The following TNRC6C variants were observed in gnomAD, a reference collection of about 807,000 sequenced individuals.
TNRC6C encodes trinucleotide repeat-containing gene 6C protein.
A neutral mutation model predicts 153.7 loss-of-function variants in TNRC6C; 20 were observed. The observed-to-expected ratio is 0.13, with a 90% CI of 0.09 to 0.19. The LOEUF (loss-of-function observed/expected upper bound fraction) is 0.19. Among genes scored for constraint, TNRC6C ranks in the 10% least tolerant of loss-of-function variants. The pLI is 1.00. For missense variants in TNRC6C, 1,987 were observed against 2,172.0 expected (o/e 0.91, Z 1.69); for synonymous variants, 811 against 841.4 (o/e 0.96, Z 0.63).
intron 1 of TNRC6C, among the ~76,000 whole-genome samples, chr17:77,975,970 GCTA>G (rs1417500520): frequency 6.6e-6 from 1 of 152,124 alleles, no homozygotes; most frequent in Non-Finnish European, 1.5e-5. Context: ...TCAACTCTGG[GCTA>G]GATTTCTAGG....
At chr17:78,013,918 G>A (rs2071681417) in intron 1 of TNRC6C, among the ~76,000 whole-genome samples, 1 of 152,194 alleles carries the variant, frequency 6.6e-6, no homozygotes, top group African/African-American at 2.4e-5. Flanking sequence ...TCAAAGAGGA[G>A]TTGTGCTCTT....
chr17:78,035,238 C>T (rs1378210176), intron 2 of TNRC6C, among the ~76,000 whole-genome samples: 1 of 152,158 alleles, frequency 6.6e-6, no homozygotes, highest in African/African-American at 2.4e-5. Flanking sequence ...TGTAGGTGAG[C>T]ATCAGCAAGC....
At chr17:78,014,916 G>T (rs550950298) in intron 1 of TNRC6C, among the ~76,000 whole-genome samples, 1 of 151,984 alleles carries the variant, frequency 6.6e-6, no homozygotes, top group Non-Finnish European at 1.5e-5. Context: ...GCTGTCTTCT[G>T]CTCGCATCTC....
At chr17:78,060,181 G>A (rs1365940780) in intron 3 of TNRC6C, among the ~76,000 whole-genome samples, 1 of 152,138 alleles carries the variant, frequency 6.6e-6, no homozygotes, top group East Asian at 1.9e-4. Flanking sequence ...CCATCTGACT[G>A]TACTCTTGTA....
intron 2 of TNRC6C, among the ~76,000 whole-genome samples, chr17:78,036,625 G>A (rs1271274069): frequency 1.3e-5 from 2 of 152,120 alleles, no homozygotes; most frequent in Non-Finnish European, 2.9e-5. Flanking sequence ...GGCGAAATTA[G>A]AGAAGAGACT....
At chr17:77,976,319 G>T (rs2070997103) in intron 1 of TNRC6C, among the ~76,000 whole-genome samples, 2 of 152,184 alleles carry the variant, frequency 1.3e-5, no homozygotes, top group African/African-American at 4.8e-5. Context: ...GGTGAGGGAG[G>T]TTGTTTTGCC....
rs534799989 is a variant in TNRC6C, at chr17:77,978,619, G to A, written c.-38+19351G>A. 2.0e-5 allele frequency among the ~76,000 whole-genome samples: 3 copies of A among 152,250 alleles called. No homozygotes were observed. In the South Asian group the frequency reaches 6.2e-4, roughly 32 times the overall value. The stretch of plus-strand genomic sequence containing the variant: ...CTCAGAAGCATTTGCCAGCTTCAGT[G>A]CTAGGACTGAAAACCTGAACAAAAA... On this transcript the variant is annotated intron_variant, in intron 1 of 22. Coordinates refer to the TNRC6C transcript ENST00000636222.
At chr17:77,958,161 G>GCGCCGGGCGC (rs972750021), upstream of TNRC6C, among the ~76,000 whole-genome samples, 3 of 152,024 alleles carry the variant, frequency 2.0e-5, no homozygotes, top group African/African-American at 4.8e-5. Context: ...GCCGGTGCGG[G>GCGCCGGGCGC]CGCCGGGCGC....
chr17:78,054,544 G>C (rs2072607785), intron 3 of TNRC6C, among the ~76,000 whole-genome samples: 1 of 151,898 alleles, frequency 6.6e-6, no homozygotes, highest in Non-Finnish European at 1.5e-5. Flanking sequence ...GCAGAGCACT[G>C]TACATCACTG....
At chr17:78,090,450 T>A (rs2073373254) in intron 13 of TNRC6C, among the ~76,000 whole-genome samples, 1 of 152,180 alleles carries the variant, frequency 6.6e-6, no homozygotes, top group African/African-American at 2.4e-5. Context: ...TTACGTACCG[T>A]GTGGCGTAGT....
chr17:78,059,392 C>T (rs898955954), intron 3 of TNRC6C, among the ~76,000 whole-genome samples: 1 of 152,244 alleles, frequency 6.6e-6, no homozygotes, highest in Non-Finnish European at 1.5e-5. Context: ...GTAAGTGGGG[C>T]TGGACTTCAG....
intron 1 of TNRC6C, among the ~76,000 whole-genome samples, chr17:78,029,323 A>C (rs1355323410): frequency 1.3e-5 from 2 of 152,192 alleles, no homozygotes; most frequent in East Asian, 3.8e-4. Flanking sequence ...GTTGCTACTC[A>C]CCTATGCCAT....
chr17:78,041,507 A>G (rs2143859714), intron 2 of TNRC6C, among the ~76,000 whole-genome samples: 1 of 152,336 alleles, frequency 6.6e-6, no homozygotes, highest in South Asian at 2.1e-4. Flanking sequence ...ACAAGGCAAC[A>G]AACTTATTCT....
At chr17:78,042,778 G>A (rs2072324365) in intron 2 of TNRC6C, among the ~76,000 whole-genome samples, 1 of 151,848 alleles carries the variant, frequency 6.6e-6, no homozygotes, top group Non-Finnish European at 1.5e-5. Flanking sequence ...TGGTGGTGCT[G>A]ATGGTGGTGG....
At position 77,978,312 on chromosome 17, in the gene TNRC6C, A is replaced by G. The variant is rs150851497; in HGVS notation, c.-38+19044A>G. Among the ~76,000 whole-genome samples the G allele has an allele frequency of 1.7e-3, 256 of 152,286 alleles. 1 individual carries two copies. The highest frequency in any genetic ancestry group is 5.7e-3 in the African/African-American group (235 of 41,582). ...AAGAACTCTACTAATATTCCTCCAC[A>G]TTGGTAGATCAAGGAAGTAAATTCA... On this transcript the variant is annotated intron_variant, in intron 1 of 22. Coordinates refer to the TNRC6C transcript ENST00000636222.
intron 1 of TNRC6C, among the ~76,000 whole-genome samples, chr17:77,998,561 T>TA (rs1273472955): frequency 6.6e-6 from 1 of 152,246 alleles, no homozygotes; most frequent in African/African-American, 2.4e-5. Context: ...TTTTCTCTGT[T>TA]AAGTTCACGT....
At chr17:78,017,315 A>ACTCCTGCT (rs1205316341) in intron 1 of TNRC6C, among the ~76,000 whole-genome samples, 3 of 149,626 alleles carry the variant, frequency 2.0e-5, no homozygotes, top group African/African-American at 5.1e-5. Context: ...GCGTGCTCCC[A>ACTCCTGCT]CTCCTGCTCT....
chr17:77,987,823 G>A (rs76187705), intron 1 of TNRC6C, among the ~76,000 whole-genome samples: 3,419 of 152,144 alleles, frequency 0.022, 186 homozygotes, highest in East Asian at 0.18. Context: ...GGGATTACAG[G>A]CATACACCAC....
chr17:78,036,226 G>A (rs142266032), intron 2 of TNRC6C, among the ~76,000 whole-genome samples: 2 of 152,222 alleles, frequency 1.3e-5, no homozygotes, highest in East Asian at 3.9e-4. Context: ...AACTCTTTGT[G>A]CCCTCCCCCC....
Sources: allele counts gnomAD v4.1 joint callset (sites outside exome capture counted in the v4.1 genomes callset), GRCh38; gene constraint gnomAD v4.1.1; transcripts MANE v1.5; gene names NCBI Gene and HGNC (gene_info 2026-07-23, HGNC 2026-07-21).